Variants in SCTR observed in about 807,000 individuals in gnomAD.
SCTR encodes pancreatic secretin receptor.
A neutral mutation model predicts 60.8 loss-of-function variants in SCTR; 56 were observed. That is an observed-to-expected ratio of 0.92 (90% confidence interval 0.74 to 1.15). The LOEUF (loss-of-function observed/expected upper bound fraction) is 1.15. Among genes scored for constraint, SCTR ranks in the 50% most tolerant of loss-of-function variants. SCTR has a pLI of 0.00. For missense variants in SCTR, 562 were observed against 550.4 expected (o/e 1.02, Z -0.21); for synonymous variants, 202 against 217.0 (o/e 0.93, Z 0.61).
At chr2:119,507,029 G>C (rs1281169316) in intron 1 of SCTR, among the ~76,000 whole-genome samples, 1 of 152,130 alleles carries the variant, frequency 6.6e-6, no homozygotes, top group Non-Finnish European at 1.5e-5. Flanking sequence ...AGTTACAAGA[G>C]ATCTCTCTGT....
chr2:119,464,029 T>C, intron 6 of SCTR, 94 bp downstream of exon 6: 1 of 1,347,358 alleles, frequency 7.4e-7, no homozygotes, highest in Non-Finnish European at 1.1e-6. Flanking sequence ...AGCAGGGGCT[T>C]GGGGGAAGGA....
At chr2:119,507,745 C>T (rs1678792359) in intron 1 of SCTR, among the ~76,000 whole-genome samples, 1 of 134,928 alleles carries the variant, frequency 7.4e-6, no homozygotes, top group Non-Finnish European at 1.5e-5. Flanking sequence ...GTGGCACGAT[C>T]TTGGCTCACT....
At chr2:119,450,342 G>A (rs981431061) in intron 9 of SCTR, among the ~76,000 whole-genome samples, 2 of 152,076 alleles carry the variant, frequency 1.3e-5, no homozygotes, top group Admixed American at 1.3e-4. Context: ...CTGGACACTG[G>A]AGCTGGCCGT....
At chr2:119,499,291 C>T (rs1678453478) in intron 1 of SCTR, among the ~76,000 whole-genome samples, 1 of 152,064 alleles carries the variant, frequency 6.6e-6, no homozygotes, top group African/African-American at 2.4e-5. Flanking sequence ...AGACTACACA[C>T]TCTTCTCTTA....
At chr2:119,441,765 C>T (rs1166104182) in intron 11 of SCTR, 166 bp from the exon 12 acceptor site, 1 of 641,464 alleles carries the variant, frequency 1.6e-6, no homozygotes, top group Non-Finnish European at 2.8e-6. Flanking sequence ...GGGCTGCCCA[C>T]GGTGGCCCTG....
intron 11 of SCTR, among the ~76,000 whole-genome samples, chr2:119,444,949 A>G (rs1325495519): frequency 1.6e-5 from 2 of 122,292 alleles, no homozygotes; most frequent in Non-Finnish European, 3.4e-5. Flanking sequence ...ACGAATATAT[A>G]TACATATATT....
chr2:119,494,662 C>A, intron 1 of SCTR, 114 bp from the exon 2 acceptor site: 2 of 1,128,888 alleles, frequency 1.8e-6, no homozygotes, highest in Non-Finnish European at 2.5e-6. Context: ...AAGCAAAGCC[C>A]TTGCCTGCAA....
At chr2:119,518,559 G>T (rs567826558) in intron 1 of SCTR, among the ~76,000 whole-genome samples, 1 of 152,168 alleles carries the variant, frequency 6.6e-6, no homozygotes, top group Middle Eastern at 3.2e-3. Flanking sequence ...TGGAACAGAC[G>T]CACAATGTAG....
At chr2:119,517,777 C>T (rs749586414) in intron 1 of SCTR, among the ~76,000 whole-genome samples, 2 of 152,046 alleles carry the variant, frequency 1.3e-5, no homozygotes, top group East Asian at 1.9e-4. Flanking sequence ...GGAAGGAAGT[C>T]GGTAGGGGTA....
intron 4 of SCTR, among the ~76,000 whole-genome samples, chr2:119,471,226 T>C (rs1676996554): frequency 6.6e-6 from 1 of 152,228 alleles, no homozygotes; most frequent in Non-Finnish European, 1.5e-5. Flanking sequence ...AGCCTTCTTA[T>C]GAACCTCATC....
At chr2:119,462,443 A>G (rs1683650788) in intron 6 of SCTR, among the ~76,000 whole-genome samples, 1 of 152,208 alleles carries the variant, frequency 6.6e-6, no homozygotes. Flanking sequence ...ACACATAATG[A>G]AGGGATGTGC....
intron 7 of SCTR, among the ~76,000 whole-genome samples, chr2:119,458,411 C>T (rs190896845): frequency 6.6e-6 from 1 of 151,740 alleles, no homozygotes; most frequent in Non-Finnish European, 1.5e-5. Flanking sequence ...ACCATCCTGG[C>T]TAACACAGTG....
At chr2:119,508,118 C>A (rs1678810053) in intron 1 of SCTR, among the ~76,000 whole-genome samples, 1 of 152,172 alleles carries the variant, frequency 6.6e-6, no homozygotes, top group African/African-American at 2.4e-5. Flanking sequence ...TAGATTCTAG[C>A]AATGGATTGG....
chr2:119,481,265 A>G (rs1167746981), intron 2 of SCTR, among the ~76,000 whole-genome samples: 1 of 152,202 alleles, frequency 6.6e-6, no homozygotes, highest in Non-Finnish European at 1.5e-5. Flanking sequence ...TTTAGGCATC[A>G]ATCTGACCAG....
At chr2:119,504,523 G>A (rs1678666051) in intron 1 of SCTR, among the ~76,000 whole-genome samples, 1 of 152,056 alleles carries the variant, frequency 6.6e-6, no homozygotes, top group Non-Finnish European at 1.5e-5. Context: ...TCCAGGAGAT[G>A]GAGGTTGCAG....
intron 11 of SCTR, among the ~76,000 whole-genome samples, chr2:119,444,026 G>A (rs981515300): frequency 5.3e-5 from 8 of 151,764 alleles, no homozygotes; most frequent in African/African-American, 1.7e-4. Flanking sequence ...AAACAAACAG[G>A]CCATGAGTGG....
chr2:119,493,804 G>T (rs913223915), intron 2 of SCTR, among the ~76,000 whole-genome samples: 18 of 152,024 alleles, frequency 1.2e-4, no homozygotes, highest in Admixed American at 8.5e-4. Context: ...ACCACGCCCG[G>T]CTAATTTTGC....
intron 1 of SCTR, among the ~76,000 whole-genome samples, chr2:119,502,301 C>T (rs145233932): frequency 2.0e-5 from 3 of 152,130 alleles, no homozygotes; most frequent in African/African-American, 7.2e-5. Flanking sequence ...AAAAGAGATG[C>T]TTAGGCATAA....
At chr2:119,451,162 G>A (rs1683150803) in intron 9 of SCTR, among the ~76,000 whole-genome samples, 1 of 152,118 alleles carries the variant, frequency 6.6e-6, no homozygotes, top group African/African-American at 2.4e-5. Flanking sequence ...AGCCTGCACA[G>A]GACACTCACT....
Sources: gnomAD v4.1 joint callset for allele counts (sites outside exome capture counted in the v4.1 genomes callset) on GRCh38, gnomAD v4.1.1 for gene constraint, MANE v1.5 for transcripts, NCBI Gene and HGNC (gene_info 2026-07-23, HGNC 2026-07-21) for gene names.